CSGALNACT1: variants seen among roughly 807,000 people sequenced by gnomAD.
CSGALNACT1 encodes the protein beta4GalNAcT-1.
Under a neutral mutation model 51.0 loss-of-function variants are expected in CSGALNACT1, and 52 were observed. The ratio of observed to expected loss-of-function variants is 1.02; its 90% CI spans 0.82 to 1.29. CSGALNACT1 has a LOEUF of 1.29. Among genes scored for constraint, CSGALNACT1 ranks in the 50% most tolerant of loss-of-function variants. The pLI is 0.00. For synonymous variants in CSGALNACT1, 341 were observed against 254.4 expected (o/e 1.34, Z -3.24); for missense variants, 935 against 679.2 (o/e 1.38, Z -4.19).
Position 19,498,974 on chromosome 8 carries a change from G to T in CSGALNACT1, c.634+6227C>A, listed in dbSNP as rs79763094. ...ATCAAAAGGTTTAAAAAATTGGCTG[G>T]ACATGGTGGTACACACCTGTAGCCC... On this transcript the variant is annotated intron_variant, in intron 4 of 9. Coordinates refer to ENST00000454498, the Ensembl canonical transcript of CSGALNACT1. Among the ~76,000 whole-genome samples the T allele has an allele frequency of 3.9e-5, 6 of 152,158 alleles. No homozygotes were observed. In the East Asian group the frequency reaches 1.2e-3, roughly 29 times the overall value.
intron 1 of CSGALNACT1, among the ~76,000 whole-genome samples, chr8:19,697,652 C>T (rs747313524): frequency 2.9e-4 from 44 of 152,162 alleles, no homozygotes; most frequent in Non-Finnish European, 5.4e-4. Flanking sequence ...CAGCAAGCTC[C>T]ATGCTATGGG....
intron 3 of CSGALNACT1, among the ~76,000 whole-genome samples, chr8:19,577,969 C>G (rs934869856): frequency 6.6e-6 from 1 of 152,056 alleles, no homozygotes; most frequent in Non-Finnish European, 1.5e-5. Flanking sequence ...AGTTGGCATG[C>G]GGAATAACTG....
At chr8:19,450,759 A>T (rs965530125) in intron 5 of CSGALNACT1, among the ~76,000 whole-genome samples, 1 of 152,130 alleles carries the variant, frequency 6.6e-6, no homozygotes, top group South Asian at 2.1e-4. Flanking sequence ...TCTACAAAAA[A>T]TCTGGCTGGA....
At position 19,589,889 on chromosome 8, in the gene CSGALNACT1, A is replaced by G. The variant is rs144700268; in HGVS notation, c.-297+1271T>C. ...GCAGTTTGTGGAAAGAATATGTGAA[A>G]AAAACCAAAAAGGTTAAGTAAGAAA... is the stretch of plus-strand genomic sequence containing the variant. On this transcript the variant is annotated intron_variant, in intron 3 of 9. Transcript: ENST00000454498. 1.8e-3 allele frequency among the ~76,000 whole-genome samples: 272 copies of G among 152,358 alleles called. 1 individual carries two copies. Among genetic ancestry groups the G allele is most frequent in the African/African-American group, 6.3e-3 (262 of 41,582 alleles).
chr8:19,541,628 G>C (rs2085185934), intron 3 of CSGALNACT1, among the ~76,000 whole-genome samples: 2 of 136,656 alleles, frequency 1.5e-5, no homozygotes, highest in Admixed American at 1.6e-4. Flanking sequence ...TCCAGCTCCT[G>C]ACCTCAGGTG....
chr8:19,676,027 C>A (rs1464614897), intron 1 of CSGALNACT1, among the ~76,000 whole-genome samples: 2 of 143,958 alleles, frequency 1.4e-5, no homozygotes, highest in South Asian at 2.2e-4. Context: ...CAATAGAGAT[C>A]GAGACAGAAC....
intron 1 of CSGALNACT1, among the ~76,000 whole-genome samples, chr8:19,610,116 C>T (rs536481456): frequency 8.6e-5 from 13 of 150,842 alleles, no homozygotes; most frequent in Non-Finnish European, 1.9e-4. Flanking sequence ...CAGCTAAAAC[C>T]CCGTCTCTAC....
intron 1 of CSGALNACT1, among the ~76,000 whole-genome samples, chr8:19,648,108 A>G (rs2057442525): frequency 2.6e-5 from 4 of 152,206 alleles, no homozygotes; most frequent in Admixed American, 2.6e-4. Flanking sequence ...ATATAATGAC[A>G]ATGTGTTACA....
chr8:19,649,699 C>T (rs1228450884), intron 1 of CSGALNACT1, among the ~76,000 whole-genome samples: 1 of 151,424 alleles, frequency 6.6e-6, no homozygotes, highest in Non-Finnish European at 1.5e-5. Context: ...AAGCCTACTG[C>T]CATGGGTGAG....
At chr8:19,676,397 A>G (rs576895585) in intron 1 of CSGALNACT1, among the ~76,000 whole-genome samples, 2 of 152,332 alleles carry the variant, frequency 1.3e-5, no homozygotes, top group South Asian at 4.1e-4. Flanking sequence ...AACCCAGTGG[A>G]AATTATAGAA....
rs2153738341 is a variant in CSGALNACT1, at chr8:19,435,901, C to CA, written c.953+3928dup. Reference sequence around the variant, plus strand: ...CAGCACACACACACACACGCACACACATTGAAATTAAACTTTCATGAAAGA... The same window carrying CA: ...CAGCACACACACACACACGCACACACAATTGAAATTAAACTTTCATGAAAGA... On this transcript the variant is annotated intron_variant, in intron 6 of 9. Coordinates refer to ENST00000454498, the Ensembl canonical transcript of CSGALNACT1. Among the ~76,000 whole-genome samples, 2 of 152,314 alleles carry CA rather than the reference C, an allele frequency of 1.3e-5. 1 individual carries two copies. Among genetic ancestry groups the CA allele is most frequent in the Non-Finnish European group, 2.9e-5 (2 of 68,026 alleles).
intron 1 of CSGALNACT1, among the ~76,000 whole-genome samples, chr8:19,708,009 A>G (rs1233198581): frequency 1.3e-5 from 2 of 152,214 alleles, no homozygotes; most frequent in East Asian, 3.8e-4. Context: ...CTCCATCTCA[A>G]AAAAGAAAAA....
chr8:19,464,226 C>G (rs1247585684), intron 4 of CSGALNACT1, among the ~76,000 whole-genome samples: 1 of 152,172 alleles, frequency 6.6e-6, no homozygotes, highest in East Asian at 1.9e-4. Context: ...GAGCCAAGGT[C>G]TCCCAGCTGG....
intron 8 of CSGALNACT1, among the ~76,000 whole-genome samples, chr8:19,410,831 C>T (rs1399787643): frequency 6.6e-6 from 1 of 152,166 alleles, no homozygotes; most frequent in East Asian, 1.9e-4. Context: ...TCTGGTCATG[C>T]CCACAGCATG....
chr8:19,730,420 T>G (rs1378477364), intron 1 of CSGALNACT1, among the ~76,000 whole-genome samples: 2 of 152,210 alleles, frequency 1.3e-5, no homozygotes, highest in African/African-American at 2.4e-5. Context: ...GCTAGGTGAC[T>G]AAAAATGTTC....
At chr8:19,741,349 G>T (rs996659274) in intron 1 of CSGALNACT1, among the ~76,000 whole-genome samples, 1 of 152,096 alleles carries the variant, frequency 6.6e-6, no homozygotes, top group Non-Finnish European at 1.5e-5. Context: ...TGGATCACGA[G>T]GTCAGGAGTT....
At chr8:19,478,906 T>C (rs2070563675) in intron 4 of CSGALNACT1, among the ~76,000 whole-genome samples, 1 of 152,206 alleles carries the variant, frequency 6.6e-6, no homozygotes, top group Non-Finnish European at 1.5e-5. Context: ...TCTTGTCATG[T>C]CATTTTAGGT....
chr8:19,479,272 C>T (rs117575240), intron 4 of CSGALNACT1, among the ~76,000 whole-genome samples: 1,773 of 152,284 alleles, frequency 0.012, 15 homozygotes, highest in Non-Finnish European at 0.019. Context: ...AACATCTCAA[C>T]GGCCACAGCT....
chr8:19,488,839 G>C (rs111568172), intron 4 of CSGALNACT1, among the ~76,000 whole-genome samples: 3 of 152,212 alleles, frequency 2.0e-5, no homozygotes, highest in African/African-American at 4.8e-5. Flanking sequence ...GACACAATCA[G>C]TTAAACAGTG....
Sources: gnomAD v4.1 joint callset for allele counts (sites outside exome capture counted in the v4.1 genomes callset) on GRCh38, gnomAD v4.1.1 for gene constraint, MANE v1.5 for transcripts, NCBI Gene and HGNC (gene_info 2026-07-23, HGNC 2026-07-21) for gene names.